Variants in JOSD1 observed in about 807,000 individuals in gnomAD.
JOSD1 encodes josephin-1.
A neutral mutation model predicts 24.3 loss-of-function variants in JOSD1; 11 were observed. That is an observed-to-expected ratio of 0.45 (90% CI 0.29 to 0.75). The LOEUF (loss-of-function observed/expected upper bound fraction) is 0.75. Among genes scored for constraint, JOSD1 ranks in the 30% least tolerant of loss-of-function variants. JOSD1 has a pLI of 0.11. For missense variants in JOSD1, 184 were observed against 253.5 expected (o/e 0.73, Z 1.86); for synonymous variants, 106 against 93.8 (o/e 1.13, Z -0.75).
chr22:38,687,771 A>G lies in JOSD1; in HGVS notation c.*131T>C. On this transcript the variant is annotated 3_prime_UTR_variant, in exon 5 of 5. Transcript: ENST00000683374. ...ACAGTCCACACGTCTGTCCTATTGCACTGTCAGATCTGAAGGGGAAAAACT... is the reference window on the plus strand; with the variant it reads ...ACAGTCCACACGTCTGTCCTATTGCGCTGTCAGATCTGAAGGGGAAAAACT... The G allele has an allele frequency of 1.5e-6, 1 of 655,680 alleles. No individual in the cohort carries two copies. Among genetic ancestry groups the G allele is most frequent in the Non-Finnish European group, 2.8e-6 (1 of 361,240 alleles). The allele number at this position is 655,680 out of a possible 1,614,324, so 40.6% of individuals were successfully genotyped here. A position where few individuals can be genotyped will look rare whatever the true frequency, so the allele number is the denominator to read the frequency against.
At chr22:38,688,903 C>T in intron 4 of JOSD1, 32 bp downstream of exon 4, 2 of 1,587,682 alleles carry the variant, frequency 1.3e-6, no homozygotes, top group Non-Finnish European at 1.7e-6. Context: ...ATGAAGCAGC[C>T]TAGCAACTTA....
chr22:38,695,795 C>T (rs987960407), intron 2 of JOSD1, among the ~76,000 whole-genome samples: 9 of 151,952 alleles, frequency 5.9e-5, no homozygotes, highest in South Asian at 2.1e-4. Flanking sequence ...CGGTGGCTCA[C>T]GCCTGTAATC....
At position 38,689,356 on chromosome 22, in the gene JOSD1, T is replaced by C. The variant is rs1275561476; in HGVS notation, c.254A>G (p.Asn85Ser). Reference protein sequence around the residue: ...SMLGNGNYDVNVIMAALQTKG... With the variant: ...SMLGNGNYDVSVIMAALQTKG... ...GGTCTGAAGTGCTGCCATAATGACA[T>C]TCACATCGTAGTTGCCATTTCCCAG... Residue 85 changes from asparagine (N) to serine (S), a missense_variant, in exon 3 of 5, where the codon AAT becomes AGT. Asn to Ser is a conservative substitution (Grantham distance 46). Coordinates refer to ENST00000683374, the MANE Select transcript of JOSD1 (RefSeq NM_001360236.2). The C allele has an allele frequency of 1.2e-6, 2 of 1,614,106 alleles. No individual in the cohort carries two copies. The highest frequency in any genetic ancestry group is 1.7e-6 in the Non-Finnish European group (2 of 1,180,040).
rs1024000571 is a variant in JOSD1, at chr22:38,687,910, C to T, written c.601G>A (p.Asp201Asn). Reference protein sequence around the residue: ...EVEAHQSWRTDV With the variant: ...EVEAHQSWRTNV The stretch of plus-strand genomic sequence containing the variant: ...GAGGTTGGGCAGAACTGTTACACAT[C>T]GGTCCTCCAACTCTGATGAGCCTCT... Residue 201 changes from aspartate (D) to asparagine (N), a missense_variant, in exon 5 of 5, where the codon GAT (aspartate) becomes AAT (asparagine). Physicochemically the swap from Asp to Asn is conservative, Grantham distance 23 (BLOSUM62 1). Coordinates refer to ENST00000683374, the MANE Select transcript of JOSD1 (RefSeq NM_001360236.2). 10 of 1,610,650 alleles carry T rather than the reference C, an allele frequency of 6.2e-6. No individual in the cohort carries two copies. Among genetic ancestry groups the T allele is most frequent in the African/African-American group, 1.3e-5 (1 of 75,008 alleles).
intron 2 of JOSD1, among the ~76,000 whole-genome samples, chr22:38,695,317 T>G (rs2145813899): frequency 6.6e-6 from 1 of 152,294 alleles, no homozygotes; most frequent in African/African-American, 2.4e-5. Context: ...GACTATGTAA[T>G]GGGGAGGCTG....
chr22:38,694,038 C>A (rs1186702145), intron 2 of JOSD1, among the ~76,000 whole-genome samples: 1 of 152,210 alleles, frequency 6.6e-6, no homozygotes, highest in Non-Finnish European at 1.5e-5. Context: ...TCCCTCACAG[C>A]TAGGCACTGG....
chr22:38,689,164 G>C, intron 3 of JOSD1, 35 bp from the exon 4 acceptor site: 2 of 1,603,524 alleles, frequency 1.2e-6, no homozygotes, highest in South Asian at 1.1e-5. Flanking sequence ...CTCTGATGCA[G>C]CCCATTTTCC....
chr22:38,688,816 A>C, intron 4 of JOSD1, 119 bp downstream of exon 4: 1 of 905,948 alleles, frequency 1.1e-6, no homozygotes, highest in African/African-American at 1.7e-5. Flanking sequence ...TAAGGCAGGG[A>C]GAGAATCCAA....
At position 38,687,825 on chromosome 22, in the gene JOSD1, G is replaced by T; in HGVS notation, c.*77C>A. ...TGAGATGTTTGGGGAAGTGGCAAGGGCAGACCCACTGTAGAGGCCACAGCA... is the reference window on the plus strand; with the variant it reads ...TGAGATGTTTGGGGAAGTGGCAAGGTCAGACCCACTGTAGAGGCCACAGCA... On this transcript the variant is annotated 3_prime_UTR_variant, in exon 5 of 5. Coordinates refer to ENST00000683374, the MANE Select transcript of JOSD1 (RefSeq NM_001360236.2). 1 of 956,914 alleles carries T rather than the reference G, an allele frequency of 1.0e-6. No homozygotes were observed. The highest frequency in any genetic ancestry group is 1.7e-6 in the Non-Finnish European group (1 of 589,942). The allele number at this position is 956,914 out of a possible 1,614,324, so 59.3% of individuals were successfully genotyped here.
chr22:38,700,729 G>T (rs529225365), intron 1 of JOSD1, 71 bp downstream of exon 1: 2 of 979,934 alleles, frequency 2.0e-6, no homozygotes, highest in African/African-American at 1.7e-5. Context: ...TGGCCCGCGA[G>T]GGGTGGGGCC....
chr22:38,691,679 C>CA (rs2092523060), intron 2 of JOSD1, among the ~76,000 whole-genome samples: 1 of 152,028 alleles, frequency 6.6e-6, no homozygotes, highest in East Asian at 1.9e-4. Context: ...TTTTCTTTTT[C>CA]TTTTTTTGAG....
chr22:38,701,383 C>T (rs1170524976), upstream of JOSD1: 1 of 152,294 alleles, frequency 6.6e-6, no homozygotes, highest in African/African-American at 2.4e-5. Context: ...GCCGAACGTT[C>T]TCGCTCCTTC....
At chr22:38,698,147 A>G (rs1476321447) in intron 2 of JOSD1, among the ~76,000 whole-genome samples, 1 of 152,226 alleles carries the variant, frequency 6.6e-6, no homozygotes, top group Admixed American at 6.5e-5. Flanking sequence ...TAGGAGAAAT[A>G]CTAATGGCTG....
chr22:38,688,542 C>T (rs1475073494), intron 4 of JOSD1, among the ~76,000 whole-genome samples: 1 of 152,164 alleles, frequency 6.6e-6, no homozygotes, highest in South Asian at 2.1e-4. Context: ...AGATTACAGG[C>T]GTGAGCAATC....
At chr22:38,694,863 CA>C (rs55844316) in intron 2 of JOSD1, among the ~76,000 whole-genome samples, 1,231 of 80,710 alleles carry the variant, frequency 0.015, 5 homozygotes, top group African/African-American at 0.039. Context: ...GACTCAGTCT[CA>C]AAAAAAAAAA....
rs192238965 is a variant in JOSD1, at chr22:38,687,279, T to C, written c.*623A>G. On this transcript the variant is annotated 3_prime_UTR_variant, in exon 5 of 5. Transcript: ENST00000683374. Reference sequence around the variant, plus strand: ...GTTGCAGTGAGCCGAGATGGTGCCATTGCACTCCAGCCTGGGCAACAAGAG... The same window carrying C: ...GTTGCAGTGAGCCGAGATGGTGCCACTGCACTCCAGCCTGGGCAACAAGAG... 5.1e-3 allele frequency: 771 copies of C among 152,638 alleles called. 2 individuals carry two copies. The highest frequency in any genetic ancestry group is 8.3e-3 in the Non-Finnish European group (567 of 68,352). 9.5% of individuals were successfully genotyped at this position (152,638 alleles called of 1,614,324 possible).
At chr22:38,699,009 G>A (rs141074018) in intron 2 of JOSD1, among the ~76,000 whole-genome samples, 2 of 152,170 alleles carry the variant, frequency 1.3e-5, no homozygotes, top group African/African-American at 4.8e-5. Flanking sequence ...TGCCCTCCTC[G>A]GCCTCCCAAA....
intron 2 of JOSD1, among the ~76,000 whole-genome samples, chr22:38,693,945 A>G (rs934901575): frequency 2.6e-5 from 4 of 152,228 alleles, no homozygotes; most frequent in Admixed American, 1.3e-4. Flanking sequence ...AATAATTACT[A>G]TTTTATAGGA....
chr22:38,687,744 T>A lies in JOSD1; in HGVS notation c.*158A>T. The A allele has an allele frequency of 3.2e-6, 2 of 615,936 alleles. No homozygotes were observed. The highest frequency in any genetic ancestry group is 5.9e-6 in the Non-Finnish European group (2 of 340,142). 38.2% of individuals were successfully genotyped at this position (615,936 alleles called of 1,614,324 possible). ...GGAACAAAACACTGAGTAGTTCTTA[T>A]AACAGTCCACACGTCTGTCCTATTG... is the stretch of plus-strand genomic sequence containing the variant. On this transcript the variant is annotated 3_prime_UTR_variant, in exon 5 of 5. Coordinates refer to ENST00000683374, the MANE Select transcript of JOSD1 (RefSeq NM_001360236.2).
Sources: gnomAD v4.1 joint callset for allele counts (sites outside exome capture counted in the v4.1 genomes callset) on GRCh38, gnomAD v4.1.1 for gene constraint, MANE v1.5 for transcripts, NCBI Gene and HGNC (gene_info 2026-07-23, HGNC 2026-07-21) for gene names.